Variants in WIPI2 observed in about 807,000 individuals in gnomAD.
The protein encoded by WIPI2 is WD repeat domain, phosphoinositide interacting 2, also known as WD repeat domain phosphoinositide-interacting protein 2.
In WIPI2, 28 loss-of-function variants were observed where a neutral mutation model predicts 52.3. That is an observed-to-expected ratio of 0.54 (90% CI 0.40 to 0.73). The LOEUF is 0.73. Among genes scored for constraint, WIPI2 ranks in the 30% least tolerant of loss-of-function variants. The probability of loss-of-function intolerance (pLI) is 0.00; values close to 1 mark genes in which losing one functional copy is unlikely to be tolerated. For synonymous variants in WIPI2, 268 were observed against 245.0 expected (o/e 1.09, Z -0.88); for missense variants, 506 against 602.9 (o/e 0.84, Z 1.68).
intron 7 of WIPI2, 89 bp downstream of exon 7, chr7:5,218,103 G>T: frequency 7.3e-7 from 1 of 1,374,870 alleles, no homozygotes; most frequent in South Asian, 1.2e-5. Context: ...TAGAGGCAAG[G>T]TCCTATACTT....
chr7:5,229,748 G>A lies in WIPI2; in HGVS notation c.1252+10G>A, dbSNP rs771785706. The stretch of plus-strand genomic sequence containing the variant: ...TCCCCAACGAGACTTGGTAAGGGGC[G>A]TGACGCAAACCTGGAAGGTAATTAG... On this transcript the variant is annotated intron_variant, in intron 12 of 12. Transcript: ENST00000288828. The A allele has an allele frequency of 6.8e-6, 11 of 1,613,430 alleles. No homozygotes were observed. Among genetic ancestry groups the A allele is most frequent in the African/African-American group, 6.7e-5 (5 of 75,022 alleles).
chr7:5,226,053 G>A lies in WIPI2; in HGVS notation c.848+123G>A, dbSNP rs977469253. 19 of 966,838 alleles carry A rather than the reference G, an allele frequency of 2.0e-5. No homozygotes were observed. In the African/African-American group the frequency reaches 2.4e-4, roughly 12 times the overall value. The allele number at this position is 966,838 out of a possible 1,614,324, so 59.9% of individuals were successfully genotyped here. A position where few individuals can be genotyped will look rare whatever the true frequency, so the allele number is the denominator to read the frequency against. ...GACATCGTTAGCCAGTGAAGACCCC[G>A]GAGCTGGCCATGGAGCGAGCACCTC... On this transcript the variant is annotated intron_variant, in intron 9 of 12. Transcript: ENST00000288828.
At chr7:5,200,392 A>C (rs1781963192) in intron 3 of WIPI2, among the ~76,000 whole-genome samples, 1 of 152,296 alleles carries the variant, frequency 6.6e-6, no homozygotes, top group East Asian at 1.9e-4. Flanking sequence ...TGCAGGAAAT[A>C]ATACAGGTCC....
rs766553349 is a variant in WIPI2, at chr7:5,227,158, G to A, written c.849-22G>A. The A allele has an allele frequency of 2.5e-6, 4 of 1,613,464 alleles. No homozygotes were observed. The highest frequency in any genetic ancestry group is 3.3e-5 in the Admixed American group (2 of 60,016). On this transcript the variant is annotated intron_variant, in intron 9 of 12. Transcript: ENST00000288828. This position sits in a 1 kb window ranked among gnomAD's most constrained non-coding sequence, Gnocchi z 8.1. ...CCCCAGGGAGGGTGCAGCTTCATGT[G>A]TCTGGTGGCCTTTCCTTCCAGACCC...
At chr7:5,228,600 G>A (rs1783563276) in intron 11 of WIPI2, among the ~76,000 whole-genome samples, 1 of 152,238 alleles carries the variant, frequency 6.6e-6, no homozygotes, top group South Asian at 2.1e-4. Context: ...GCACGTGGCT[G>A]AGAGCCTCTT....
At chr7:5,206,516 G>T (rs1282331944) in intron 3 of WIPI2, among the ~76,000 whole-genome samples, 1 of 152,120 alleles carries the variant, frequency 6.6e-6, no homozygotes, top group Non-Finnish European at 1.5e-5. Flanking sequence ...TGAAAGCTCT[G>T]CTTTTTCTCA....
chr7:5,222,468 C>A (rs1209811330), intron 7 of WIPI2, 134 bp from the exon 8 acceptor site: 1 of 905,284 alleles, frequency 1.1e-6, no homozygotes, highest in Admixed American at 2.1e-5. Context: ...CCTGGGGGAC[C>A]CCAGACTCCT....
intron 4 of WIPI2, among the ~76,000 whole-genome samples, chr7:5,214,906 C>T (rs999017749): frequency 6.6e-6 from 1 of 152,240 alleles, no homozygotes; most frequent in Non-Finnish European, 1.5e-5. Context: ...CGACAAATGC[C>T]CGGGCCTCTG....
Position 5,229,596 on chromosome 7 carries a change from T to C in WIPI2, c.1122-12T>C. The C allele has an allele frequency of 6.2e-7, 1 of 1,611,782 alleles. No individual in the cohort carries two copies. The highest frequency in any genetic ancestry group is 1.1e-5 in the South Asian group (1 of 90,600). On this transcript the variant is annotated splice_polypyrimidine_tract_variant and intron_variant, in intron 11 of 12. Transcript: ENST00000288828. ...GTGGAGACGCTGAGCTGTGTCGCTTTCTTCCCTCCAGGCTGGACGGCAGTC... is the reference window on the plus strand; with the variant it reads ...GTGGAGACGCTGAGCTGTGTCGCTTCCTTCCCTCCAGGCTGGACGGCAGTC...
chr7:5,225,336 T>G (rs4720538), intron 8 of WIPI2, among the ~76,000 whole-genome samples: 21,539 of 152,014 alleles, frequency 0.14, 2,043 homozygotes, highest in Non-Finnish European at 0.21. Flanking sequence ...AGACGGGGGG[T>G]TTCACCATGT....
chr7:5,206,507 G>A (rs1314932866), intron 3 of WIPI2, among the ~76,000 whole-genome samples: 2 of 152,172 alleles, frequency 1.3e-5, no homozygotes, highest in Non-Finnish European at 2.9e-5. Context: ...AAAGCATTCT[G>A]AAAGCTCTGC....
At chr7:5,221,381 A>G (rs1445631602) in intron 7 of WIPI2, among the ~76,000 whole-genome samples, 1 of 152,142 alleles carries the variant, frequency 6.6e-6, no homozygotes, top group African/African-American at 2.4e-5. Flanking sequence ...CAGCCTAGAT[A>G]TTCTTAACAG....
chr7:5,213,346 T>C (rs1782652436), intron 3 of WIPI2: 1 of 152,364 alleles, frequency 6.6e-6, no homozygotes, highest in Non-Finnish European at 1.5e-5. Flanking sequence ...CTTAGGATGA[T>C]GTACTTGTGT....
At chr7:5,197,327 C>T (rs1012529835) in intron 2 of WIPI2, among the ~76,000 whole-genome samples, 3 of 151,720 alleles carry the variant, frequency 2.0e-5, no homozygotes, top group Non-Finnish European at 4.4e-5. Context: ...AAATAGCAAC[C>T]CTTAGTTATC....
chr7:5,209,665 G>A (rs956711779), intron 3 of WIPI2, among the ~76,000 whole-genome samples: 1 of 152,150 alleles, frequency 6.6e-6, no homozygotes, highest in Non-Finnish European at 1.5e-5. Flanking sequence ...TCCCATCACA[G>A]TTAACACCTG....
chr7:5,214,394 C>T (rs1213549572), intron 3 of WIPI2, 141 bp from the exon 4 acceptor site: 3 of 1,606,722 alleles, frequency 1.9e-6, no homozygotes, highest in African/African-American at 2.7e-5. Flanking sequence ...GTCCCCACCC[C>T]ATGACCACAT....
chr7:5,203,693 C>T (rs956577435), intron 3 of WIPI2, among the ~76,000 whole-genome samples: 7 of 133,334 alleles, frequency 5.2e-5, no homozygotes, highest in Non-Finnish European at 9.1e-5. Context: ...AGTGTAGTGG[C>T]GCAATCTTGG....
intron 10 of WIPI2, 33 bp from the exon 11 acceptor site, chr7:5,228,071 G>A: frequency 6.2e-7 from 1 of 1,605,506 alleles, no homozygotes. Context: ...TGTGACAGTT[G>A]TCTAGAATTT....
chr7:5,220,981 T>G (rs1433263741), intron 7 of WIPI2, among the ~76,000 whole-genome samples: 8 of 129,488 alleles, frequency 6.2e-5, no homozygotes, highest in Non-Finnish European at 1.2e-4. Context: ...TTTTTTTTTT[T>G]GAGACGGAGT....
Sources: allele counts gnomAD v4.1 joint callset (sites outside exome capture counted in the v4.1 genomes callset), GRCh38; gene constraint gnomAD v4.1.1; non-coding constraint Gnocchi (gnomAD v3.1); transcripts MANE v1.5; gene names NCBI Gene and HGNC (gene_info 2026-07-23, HGNC 2026-07-21).